The following NOL4 variants were observed in gnomAD, a reference collection of about 807,000 sequenced individuals.
The protein encoded by NOL4 is nucleolar protein 4.
NOL4 carries 17 observed loss-of-function variants against 75.9 expected under a neutral mutation model. The ratio of observed to expected loss-of-function variants is 0.22; its 90% CI spans 0.15 to 0.34. NOL4 has a LOEUF of 0.34. Ranked by LOEUF, NOL4 falls within the 10% of genes least tolerant of loss-of-function variation. The pLI is 1.00. For missense variants in NOL4, 614 were observed against 793.5 expected (o/e 0.77, Z 2.72); for synonymous variants, 292 against 289.9 (o/e 1.01, Z -0.07).
chr18:34,053,578 T>A (rs2076713606), intron 5 of NOL4, among the ~76,000 whole-genome samples: 1 of 151,988 alleles, frequency 6.6e-6, no homozygotes, highest in South Asian at 2.1e-4. Flanking sequence ...CTGAGCCAGA[T>A]AACATTCCTA....
intron 6 of NOL4, among the ~76,000 whole-genome samples, chr18:33,990,857 C>G (rs1204641710): frequency 6.6e-6 from 1 of 152,030 alleles, no homozygotes; most frequent in Non-Finnish European, 1.5e-5. Flanking sequence ...AAATGACATT[C>G]ATTTTCATGC....
At chr18:34,214,646 G>C (rs2036751086) in intron 1 of NOL4, among the ~76,000 whole-genome samples, 1 of 152,134 alleles carries the variant, frequency 6.6e-6, no homozygotes, top group African/African-American at 2.4e-5. Context: ...ATATGATCCA[G>C]CAAACCTGCT....
At chr18:33,913,489 C>G (rs76115793) in intron 9 of NOL4, among the ~76,000 whole-genome samples, 2,130 of 152,222 alleles carry the variant, frequency 0.014, 48 homozygotes, top group African/African-American at 0.048. Context: ...ATGATTTGTT[C>G]TACTTCTAGA....
chr18:34,001,860 A>C (rs1285671452), intron 6 of NOL4: 6 of 152,390 alleles, frequency 3.9e-5, no homozygotes, highest in African/African-American at 1.4e-4. Context: ...TTAAGTGCTA[A>C]TACTGAAATT....
intron 1 of NOL4, among the ~76,000 whole-genome samples, chr18:34,197,472 A>G (rs1413256931): frequency 1.3e-5 from 2 of 152,046 alleles, no homozygotes; most frequent in Non-Finnish European, 2.9e-5. Flanking sequence ...AACATTTATT[A>G]TATGCTTGTT....
chr18:34,142,012 T>C (rs2081189877), intron 1 of NOL4, among the ~76,000 whole-genome samples: 1 of 151,944 alleles, frequency 6.6e-6, no homozygotes, highest in Non-Finnish European at 1.5e-5. Context: ...CAACAAAAAG[T>C]GGGCAAAGGA....
intron 10 of NOL4, among the ~76,000 whole-genome samples, chr18:33,881,092 G>T (rs1012475502): frequency 6.6e-6 from 1 of 151,902 alleles, no homozygotes; most frequent in Non-Finnish European, 1.5e-5. Context: ...TCCCTTGTAA[G>T]TTGGATTCCT....
chr18:33,880,689 G>A (rs1484265294), intron 10 of NOL4, among the ~76,000 whole-genome samples: 7 of 152,016 alleles, frequency 4.6e-5, no homozygotes, highest in Non-Finnish European at 1.0e-4. Flanking sequence ...TGAAGTTGGA[G>A]AAATTCCTGG....
chr18:34,108,892 C>T (rs930963127), intron 2 of NOL4, among the ~76,000 whole-genome samples: 1 of 152,128 alleles, frequency 6.6e-6, no homozygotes, highest in Non-Finnish European at 1.5e-5. Flanking sequence ...GCAGAATACA[C>T]ATACTACTCA....
chr18:34,124,259 T>C (rs1483307515), intron 2 of NOL4, among the ~76,000 whole-genome samples: 1 of 152,188 alleles, frequency 6.6e-6, no homozygotes, highest in Non-Finnish European at 1.5e-5. Flanking sequence ...AATCTATACT[T>C]GCACTAAGAT....
intron 1 of NOL4, among the ~76,000 whole-genome samples, chr18:34,169,458 G>A (rs2032793046): frequency 7.0e-6 from 1 of 143,248 alleles, no homozygotes; most frequent in Non-Finnish European, 1.5e-5. Context: ...AACAGATTGG[G>A]CAAACAGGAA....
At chr18:34,222,405 A>G in intron 1 of NOL4, 1 of 1,140,582 alleles carries the variant, frequency 8.8e-7, no homozygotes, top group Non-Finnish European at 1.1e-6. Context: ...CGCGGCAACG[A>G]TCTCTGGGAG....
At chr18:34,135,532 C>T (rs2080851068) in intron 1 of NOL4, among the ~76,000 whole-genome samples, 1 of 151,630 alleles carries the variant, frequency 6.6e-6, no homozygotes, top group Admixed American at 6.6e-5. Flanking sequence ...CCTGTCTCTA[C>T]TAAAAATACA....
rs180899457 is a variant in NOL4, at chr18:34,020,497, T to C, written c.773-896A>G. On this transcript the variant is annotated intron_variant, in intron 5 of 10. Coordinates refer to ENST00000261592, the MANE Select transcript of NOL4 (RefSeq NM_003787.5). ...AACTTTGTTCCAGTCATTACACTTC[T>C]GGGAGTTTAATACCTAAGAAGTTTA... 2.6e-3 allele frequency among the ~76,000 whole-genome samples: 402 copies of C among 152,314 alleles called. 2 individuals carry two copies. Among genetic ancestry groups the C allele is most frequent in the Admixed American group, 6.9e-3 (106 of 15,292 alleles).
chr18:34,037,719 T>C (rs1469228727), intron 5 of NOL4, among the ~76,000 whole-genome samples: 2 of 151,990 alleles, frequency 1.3e-5, no homozygotes, highest in African/African-American at 4.8e-5. Context: ...TGCCAAAAAA[T>C]GAAACTGGAT....
rs559828887 is a variant in NOL4, at chr18:33,944,319, T to C, written c.1429-1141A>G. Reference sequence around the variant, plus strand: ...TACCAACTCTGGCATGTAGAGTGTGTCTCAGCAAATTGAACACAGGGCTTA... The same window carrying C: ...TACCAACTCTGGCATGTAGAGTGTGCCTCAGCAAATTGAACACAGGGCTTA... On this transcript the variant is annotated intron_variant, in intron 8 of 10. Transcript: ENST00000261592. 5.9e-5 allele frequency among the ~76,000 whole-genome samples: 9 copies of C among 152,028 alleles called. No homozygotes were observed. In the South Asian group the frequency reaches 1.9e-3, roughly 31 times the overall value.
intron 1 of NOL4, among the ~76,000 whole-genome samples, chr18:34,178,931 G>A (rs1476524405): frequency 6.6e-6 from 1 of 151,496 alleles, no homozygotes; most frequent in East Asian, 1.9e-4. Context: ...TAGGATAAGT[G>A]ATATTTTAGA....
At chr18:34,158,662 G>C (rs1449049291) in intron 1 of NOL4, 3 of 152,186 alleles carry the variant, frequency 2.0e-5, no homozygotes, top group Non-Finnish European at 4.4e-5. Context: ...GTGCTTAGCA[G>C]CAAGAGAACA....
At chr18:34,164,953 A>G (rs1321582208) in intron 1 of NOL4, among the ~76,000 whole-genome samples, 2 of 152,072 alleles carry the variant, frequency 1.3e-5, no homozygotes, top group African/African-American at 2.4e-5. Context: ...GACATGGATG[A>G]AACTGGAAGT....
Sources: gnomAD v4.1 joint callset for allele counts (sites outside exome capture counted in the v4.1 genomes callset) on GRCh38, gnomAD v4.1.1 for gene constraint, MANE v1.5 for transcripts, NCBI Gene and HGNC (gene_info 2026-07-23, HGNC 2026-07-21) for gene names.